Variants in ARHGAP15 observed in about 807,000 individuals in gnomAD.
ARHGAP15 encodes Rho GTPase activating protein 15.
A neutral mutation model predicts 63.7 loss-of-function variants in ARHGAP15; 51 were observed. That is an observed-to-expected ratio of 0.80 (90% CI 0.64 to 1.01). The LOEUF is 1.01. Among genes scored for constraint, ARHGAP15 ranks in the 50% least tolerant of loss-of-function variants. The probability of loss-of-function intolerance (pLI) is 0.00; values close to 1 mark genes in which losing one functional copy is unlikely to be tolerated. For missense variants in ARHGAP15, 560 were observed against 564.6 expected (o/e 0.99, Z 0.08); for synonymous variants, 191 against 193.8 (o/e 0.99, Z 0.12).
intron 6 of ARHGAP15, among the ~76,000 whole-genome samples, chr2:143,256,012 T>C (rs1191702655): frequency 6.6e-6 from 1 of 152,022 alleles, no homozygotes; most frequent in Non-Finnish European, 1.5e-5. Context: ...GTGTTCCAAT[T>C]TGGGCTATGT....
intron 2 of ARHGAP15, among the ~76,000 whole-genome samples, chr2:143,192,574 T>C (rs931604897): frequency 2.6e-5 from 4 of 152,372 alleles, no homozygotes; most frequent in African/African-American, 7.2e-5. Flanking sequence ...ATTCATATGC[T>C]TTGGATCATT....
chr2:143,158,585 C>T (rs1456283680), intron 2 of ARHGAP15, among the ~76,000 whole-genome samples: 3 of 151,726 alleles, frequency 2.0e-5, no homozygotes, highest in African/African-American at 2.4e-5. Context: ...TACTTTTTGA[C>T]GTGGGAAATG....
chr2:143,358,514 G>GA (rs1685899538), intron 6 of ARHGAP15, among the ~76,000 whole-genome samples: 1 of 150,526 alleles, frequency 6.6e-6, no homozygotes, highest in Admixed American at 6.6e-5. Context: ...TTTTGTGATT[G>GA]AAAGAAAATA....
At chr2:143,201,971 G>A (rs77212036) in intron 2 of ARHGAP15, among the ~76,000 whole-genome samples, 163 bp from the exon 3 acceptor site, 1,675 of 152,158 alleles carry the variant, frequency 0.011, 39 homozygotes, top group African/African-American at 0.038. Context: ...CTTTGAGTAC[G>A]TATTTTATTT....
intron 8 of ARHGAP15, among the ~76,000 whole-genome samples, chr2:143,444,210 A>G (rs1690027430): frequency 6.6e-6 from 1 of 152,174 alleles, no homozygotes; most frequent in Admixed American, 6.5e-5. Context: ...CTTGCTTTCA[A>G]TAATAGGGCA....
At chr2:143,190,016 C>T (rs927578296) in intron 2 of ARHGAP15, among the ~76,000 whole-genome samples, 3 of 151,904 alleles carry the variant, frequency 2.0e-5, no homozygotes, top group Non-Finnish European at 2.9e-5. Flanking sequence ...TTTCTGTTTG[C>T]TTATTTTGAT....
intron 6 of ARHGAP15, among the ~76,000 whole-genome samples, chr2:143,395,817 C>T (rs1048070800): frequency 1.3e-5 from 2 of 151,978 alleles, no homozygotes; most frequent in Non-Finnish European, 2.9e-5. Flanking sequence ...GTGAGGTAGA[C>T]AGAAACGTAA....
At chr2:143,448,797 C>G (rs1002305840) in intron 8 of ARHGAP15, among the ~76,000 whole-genome samples, 5 of 151,850 alleles carry the variant, frequency 3.3e-5, no homozygotes, top group Non-Finnish European at 5.9e-5. Flanking sequence ...AGCCCAACCC[C>G]AAACCAACTG....
intron 6 of ARHGAP15, among the ~76,000 whole-genome samples, chr2:143,402,873 T>C (rs1426261665): frequency 6.6e-6 from 1 of 151,860 alleles, no homozygotes; most frequent in Non-Finnish European, 1.5e-5. Context: ...AAATTTTTTT[T>C]CACCTGTTAG....
chr2:143,205,065 C>CTCCCA lies in ARHGAP15; in HGVS notation c.234+2863_234+2864insTCCCA, dbSNP rs529505731. On this transcript the variant is annotated intron_variant, in intron 3 of 13. Coordinates refer to ENST00000295095, the MANE Select transcript of ARHGAP15 (RefSeq NM_018460.4). ...TCACTTTAGGTTGGGAGTTCAAGAC[C>CTCCCA]AGCCTGGCCAACATGGTAAAACCCC... Among the ~76,000 whole-genome samples the CTCCCA allele has an allele frequency of 2.3e-3, 351 of 151,886 alleles. 2 individuals carry two copies. Among genetic ancestry groups the CTCCCA allele is most frequent in the African/African-American group, 8.1e-3 (337 of 41,440 alleles).
intron 6 of ARHGAP15, among the ~76,000 whole-genome samples, chr2:143,398,804 T>C (rs1687878452): frequency 6.6e-6 from 1 of 151,164 alleles, no homozygotes; most frequent in Non-Finnish European, 1.5e-5. Context: ...GTTTCTGGCA[T>C]CTAATTACGG....
intron 8 of ARHGAP15, among the ~76,000 whole-genome samples, chr2:143,477,970 A>G (rs1294296362): frequency 2.0e-5 from 3 of 152,242 alleles, no homozygotes; most frequent in Admixed American, 2.0e-4. Flanking sequence ...TTGTGGGCTA[A>G]GTGTGTGTCT....
intron 13 of ARHGAP15, among the ~76,000 whole-genome samples, chr2:143,733,918 TTTC>T (rs1316676124): frequency 6.6e-6 from 1 of 152,206 alleles, no homozygotes; most frequent in East Asian, 1.9e-4. Flanking sequence ...ATTTAAGAAA[TTTC>T]TTATCTACAT....
chr2:143,727,287 C>T (rs542644024), intron 13 of ARHGAP15, among the ~76,000 whole-genome samples: 8 of 152,280 alleles, frequency 5.3e-5, no homozygotes, highest in Admixed American at 1.3e-4. Context: ...ACAGTTCACA[C>T]GAAAGAGTGT....
intron 6 of ARHGAP15, among the ~76,000 whole-genome samples, chr2:143,330,146 C>CAA (rs1558898154): frequency 1.9e-5 from 1 of 51,684 alleles, no homozygotes; most frequent in Non-Finnish European, 4.3e-5. Flanking sequence ...AAACAAAAAA[C>CAA]TAAACTAATG....
intron 1 of ARHGAP15, among the ~76,000 whole-genome samples, chr2:143,153,845 C>T (rs1689960055): frequency 6.0e-5 from 4 of 66,380 alleles, no homozygotes; most frequent in African/African-American, 9.1e-5. Context: ...TCTTCTTCTT[C>T]CTCCTCCTCC....
chr2:143,667,835 A>T (rs1003866234), intron 12 of ARHGAP15, among the ~76,000 whole-genome samples: 10 of 151,810 alleles, frequency 6.6e-5, no homozygotes, highest in African/African-American at 2.4e-4. Flanking sequence ...CAAAAATACA[A>T]AAATTAGCCA....
chr2:143,372,254 A>T (rs1177037551), intron 6 of ARHGAP15, among the ~76,000 whole-genome samples: 1 of 150,772 alleles, frequency 6.6e-6, no homozygotes, highest in Non-Finnish European at 1.5e-5. Context: ...AGGTGGGAGG[A>T]TCACCTGAGC....
chr2:143,161,133 A>G (rs773845368), intron 2 of ARHGAP15, among the ~76,000 whole-genome samples: 1 of 152,004 alleles, frequency 6.6e-6, no homozygotes, highest in Non-Finnish European at 1.5e-5. Context: ...ATAATTGACA[A>G]CAAATGAAAT....
Sources: gnomAD v4.1 joint callset for allele counts (sites outside exome capture counted in the v4.1 genomes callset) on GRCh38, gnomAD v4.1.1 for gene constraint, MANE v1.5 for transcripts, NCBI Gene and HGNC (gene_info 2026-07-23, HGNC 2026-07-21) for gene names.